INSR: variants seen among roughly 807,000 people sequenced by gnomAD.
The protein encoded by INSR is IR.
Under a neutral mutation model 142.6 loss-of-function variants are expected in INSR, and 67 were observed. That is an observed-to-expected ratio of 0.47 (90% CI 0.39 to 0.58). The LOEUF (loss-of-function observed/expected upper bound fraction) is 0.58. INSR is among the 20% of genes least tolerant of loss of function. INSR has a pLI of 0.00. For synonymous variants in INSR, 756 were observed against 743.1 expected, an observed-to-expected ratio of 1.02 and a Z score of -0.28; for missense variants, 1,248 against 1,833.2, an observed-to-expected ratio of 0.68 and a Z score of 5.83.
chr19:7,267,886 G>A lies in INSR; in HGVS notation c.111C>T (p.Gly37=), dbSNP rs1967789053. Residue 37 remains glycine, a synonymous_variant, in exon 2 of 22, where the codon GGC becomes GGT. Coordinates refer to ENST00000302850, the MANE Select transcript of INSR (RefSeq NM_000208.4). The surrounding 1 kb of genome is among the most constrained non-coding windows in gnomAD (Gnocchi z 6.3). The stretch of plus-strand genomic sequence containing the variant: ...TAGTGAGGTTGTTCCGGATATCCAT[G>A]CCGGGACACACTACAAGAGAAAATG... ...GHLYPGEVCP[G]MDIRNNLTRL... 1 of 1,613,394 alleles carries A rather than the reference G, an allele frequency of 6.2e-7. No homozygotes were observed. Among genetic ancestry groups the A allele is most frequent in the Non-Finnish European group, 8.5e-7 (1 of 1,179,624 alleles).
In INSR at chr19:7,151,536, T is replaced by C. The variant is rs147913025; in HGVS notation, c.2232-1004A>G. Among the ~76,000 whole-genome samples the C allele has an allele frequency of 2.4e-3, 365 of 151,744 alleles. 4 individuals carry two copies. In the East Asian group the frequency reaches 0.036, roughly 15 times the overall value. On this transcript the variant is annotated intron_variant, in intron 10 of 21. Coordinates refer to ENST00000302850, the MANE Select transcript of INSR (RefSeq NM_000208.4). ...TTTGGCCTCAACTGATTCTCCCACT[T>C]CGGCCTCCCAAAGTGCTGGGATTAC... is the stretch of plus-strand genomic sequence containing the variant.
intron 11 of INSR, among the ~76,000 whole-genome samples, chr19:7,148,955 C>A (rs895821475): frequency 6.6e-6 from 1 of 150,642 alleles, no homozygotes; most frequent in Non-Finnish European, 1.5e-5. Flanking sequence ...TCACCACGCC[C>A]GGCTAATTTT....
chr19:7,115,045 T>C lies in INSR; in HGVS notation c.*2011A>G, dbSNP rs549736529. On this transcript the variant is annotated 3_prime_UTR_variant, in exon 22 of 22. Transcript: ENST00000302850. ...TTTTTACATGCTGTATTTTCCCGAA[T>C]CATATAAATAAGATAGCAATAGACA... 10 of 152,296 alleles carry C rather than the reference T, an allele frequency of 6.6e-5. No homozygotes were observed. The highest frequency in any genetic ancestry group is 2.9e-5 in the Non-Finnish European group (2 of 68,018). The allele number at this position is 152,296 out of a possible 1,614,324, so 9.4% of individuals were successfully genotyped here.
intron 2 of INSR, among the ~76,000 whole-genome samples, chr19:7,249,042 A>G (rs189251722): frequency 3.0e-4 from 46 of 152,272 alleles, no homozygotes; most frequent in African/African-American, 1.1e-3. Flanking sequence ...TACAGGCGTG[A>G]GTTACTGCGC....
chr19:7,122,346 G>A lies in INSR; in HGVS notation c.3529+268C>T, dbSNP rs142389209. Among the ~76,000 whole-genome samples, 565 of 151,626 alleles carry A rather than the reference G, an allele frequency of 3.7e-3. 1 individual carries two copies. Among genetic ancestry groups the A allele is most frequent in the Middle Eastern group, 0.014 (4 of 286 alleles). ...TAGTCCCAGCTACTTGGAAGGCTGAGGCAGGTGAATCACTTGAACCTGGGA... is the reference window on the plus strand; with the variant it reads ...TAGTCCCAGCTACTTGGAAGGCTGAAGCAGGTGAATCACTTGAACCTGGGA... On this transcript the variant is annotated intron_variant, in intron 19 of 21. Coordinates refer to ENST00000302850, the MANE Select transcript of INSR (RefSeq NM_000208.4).
chr19:7,189,604 G>A (rs1253188903), intron 2 of INSR, among the ~76,000 whole-genome samples: 1 of 151,992 alleles, frequency 6.6e-6, no homozygotes, highest in Non-Finnish European at 1.5e-5. Flanking sequence ...AGCAAGTGAT[G>A]GGCCAGATAG....
chr19:7,145,615 T>C (rs1161820740), intron 11 of INSR, among the ~76,000 whole-genome samples: 3 of 152,238 alleles, frequency 2.0e-5, no homozygotes, highest in African/African-American at 7.2e-5. Flanking sequence ...TACTCTGTCA[T>C]TGTAGCTTAA....
At chr19:7,198,281 G>T (rs1375870679) in intron 2 of INSR, among the ~76,000 whole-genome samples, 3 of 151,556 alleles carry the variant, frequency 2.0e-5, no homozygotes, top group Admixed American at 6.6e-5. Context: ...GGGTGCGCCG[G>T]GCTCCGCTCC....
rs1476804167 is a variant in INSR at position 7,141,826 on chromosome 19, G to A, written c.2543-10C>T. 6.2e-7 allele frequency: 1 copy of A among 1,610,072 alleles called. No homozygotes were observed. The highest frequency in any genetic ancestry group is 8.5e-7 in the Non-Finnish European group (1 of 1,176,372). The stretch of plus-strand genomic sequence containing the variant: ...ATGTCATCAGCCTTGGCTGTAAGGA[G>A]AGGAAGTGAGAGGCAGGGATGTAAC... On this transcript the variant is annotated splice_polypyrimidine_tract_variant and intron_variant, in intron 12 of 21. Transcript: ENST00000302850.
intron 2 of INSR, among the ~76,000 whole-genome samples, chr19:7,185,533 C>A (rs1308068737): frequency 6.6e-6 from 1 of 152,036 alleles, no homozygotes. Flanking sequence ...ATGGAGGAGA[C>A]ATGTTAGTTA....
At position 7,120,616 on chromosome 19, in the gene INSR, T is replaced by G. The variant is rs1228912380; in HGVS notation, c.3659+4A>C. On this transcript the variant is annotated splice_donor_region_variant and intron_variant, in intron 20 of 21. Coordinates refer to ENST00000302850, the MANE Select transcript of INSR (RefSeq NM_000208.4). ...GTCCATCCACCCATCCACACACAAC[T>G]CACCACATGTCAGAAGAAGTGGTGA... 1 of 1,613,916 alleles carries G rather than the reference T, an allele frequency of 6.2e-7. No individual in the cohort carries two copies. Among genetic ancestry groups the G allele is most frequent in the South Asian group, 1.1e-5 (1 of 91,072 alleles).
Position 7,184,361 on chromosome 19 carries a change from T to C in INSR, c.929A>G (p.Lys310Arg). 1 of 1,613,948 alleles carries C rather than the reference T, an allele frequency of 6.2e-7. No individual in the cohort carries two copies. The highest frequency in any genetic ancestry group is 1.1e-5 in the South Asian group (1 of 91,074). The change falls in exon 3 of 22, where the codon AAG becomes AGG. Residue 310 changes from lysine (K) to arginine (R), a missense_variant. Physicochemically the swap from Lys to Arg is conservative, Grantham distance 26 (BLOSUM62 2). Coordinates refer to ENST00000302850, the MANE Select transcript of INSR (RefSeq NM_000208.4). ...GCHQYVIHNN[K>R]CIPECPSGYT... ...CCCGGAGGGACACTCAGGGATGCAC[T>C]TGTTGTTGTGAATGACGTACTGGTG... is the stretch of plus-strand genomic sequence containing the variant.
intron 2 of INSR, among the ~76,000 whole-genome samples, chr19:7,237,929 C>T (rs1250254424): frequency 6.6e-6 from 1 of 151,960 alleles, no homozygotes; most frequent in Non-Finnish European, 1.5e-5. Flanking sequence ...GAACTAATAT[C>T]CTCTCATCCC....
At chr19:7,217,784 C>A (rs924341676) in intron 2 of INSR, among the ~76,000 whole-genome samples, 1 of 152,230 alleles carries the variant, frequency 6.6e-6, no homozygotes, top group Non-Finnish European at 1.5e-5. Flanking sequence ...TGGTCTCGAT[C>A]TCCTGACCTC....
intron 1 of INSR, among the ~76,000 whole-genome samples, chr19:7,270,066 G>A (rs1424189101): frequency 3.9e-5 from 6 of 151,974 alleles, no homozygotes; most frequent in Non-Finnish European, 7.4e-5. Context: ...GGGTTCAAGT[G>A]ATTTTCCTGC....
rs1967791639 is a variant in INSR, at chr19:7,267,963, C to T, written c.101-67G>A. The T allele has an allele frequency of 6.6e-6, 9 of 1,369,760 alleles. No individual in the cohort carries two copies. In the Admixed American group the frequency reaches 1.1e-4, roughly 17 times the overall value. The allele number at this position is 1,369,760 out of a possible 1,614,324, so 84.9% of individuals were successfully genotyped here. A position where few individuals can be genotyped will look rare whatever the true frequency, so the allele number is the denominator to read the frequency against. ...CGCACGGTGGATGCATCAGAAGGAT[C>T]AGGGGCAGAGCCGGCTTCATGGACA... is the stretch of plus-strand genomic sequence containing the variant. On this transcript the variant is annotated intron_variant, in intron 1 of 21. Coordinates refer to ENST00000302850, the MANE Select transcript of INSR (RefSeq NM_000208.4). The surrounding 1 kb of genome is among the most constrained non-coding windows in gnomAD (Gnocchi z 6.3).
At chr19:7,204,174 C>T (rs376848467) in intron 2 of INSR, among the ~76,000 whole-genome samples, 20 of 152,126 alleles carry the variant, frequency 1.3e-4, no homozygotes, top group African/African-American at 3.9e-4. Flanking sequence ...TCCTGAGTAG[C>T]TGGGATTACA....
Position 7,266,084 on chromosome 19 carries a change from CG to C in INSR, c.652+1260del, listed in dbSNP as rs1944581303. Among the ~76,000 whole-genome samples, 3 of 152,092 alleles carry C rather than the reference CG, an allele frequency of 2.0e-5. No individual in the cohort carries two copies. The South Asian group carries it at 6.2e-4, about 32-fold the overall frequency. The stretch of plus-strand genomic sequence containing the variant: ...AAACATGTTTTAAAAGGTTCAACCC[CG>C]ATAGCAATCAAAGAAATGCAAATAG... On this transcript the variant is annotated intron_variant, in intron 2 of 21. Transcript: ENST00000302850.
chr19:7,251,413 T>C (rs1375593634), intron 2 of INSR, among the ~76,000 whole-genome samples: 1 of 151,896 alleles, frequency 6.6e-6, no homozygotes, highest in African/African-American at 2.4e-5. Context: ...TGCACCACCA[T>C]GCTCGGCTAA....
Sources: allele counts gnomAD v4.1 joint callset (sites outside exome capture counted in the v4.1 genomes callset), GRCh38; gene constraint gnomAD v4.1.1; non-coding constraint Gnocchi (gnomAD v3.1); transcripts MANE v1.5; gene names NCBI Gene and HGNC (gene_info 2026-07-23, HGNC 2026-07-21).